The following CSNK2A2IP variants were observed in gnomAD, a reference collection of about 807,000 sequenced individuals.
CSNK2A2IP encodes the protein casein kinase 2 subunit alpha' interacting protein.
chr3:88,350,999 AC>A, the CSNK2A2IP span, among the ~76,000 whole-genome samples: 1 of 152,138 alleles, frequency 6.6e-6, no homozygotes, highest in Non-Finnish European at 1.5e-5. Context: ...GTAATTTGAA[AC>A]TTTTTCCTGC....
At chr3:88,356,326 C>A in the CSNK2A2IP span, among the ~76,000 whole-genome samples, 4 of 151,912 alleles carry the variant, frequency 2.6e-5, no homozygotes, top group African/African-American at 4.8e-5. Flanking sequence ...TTTTAGCTCC[C>A]ACATATGAGT....
At chr3:88,393,003 G>A in the CSNK2A2IP span, among the ~76,000 whole-genome samples, 1 of 152,140 alleles carries the variant, frequency 6.6e-6, no homozygotes, top group African/African-American at 2.4e-5. Context: ...GGGAGGATTG[G>A]CCTTGAAAGG....
At chr3:88,432,499 T>A in the CSNK2A2IP span, among the ~76,000 whole-genome samples, 2 of 151,680 alleles carry the variant, frequency 1.3e-5, no homozygotes, top group African/African-American at 4.8e-5. Flanking sequence ...TAGGTACTCT[T>A]ACTAACACAA....
the CSNK2A2IP span, among the ~76,000 whole-genome samples, chr3:88,427,840 G>A: frequency 3.0e-4 from 46 of 152,302 alleles, no homozygotes; most frequent in Non-Finnish European, 5.6e-4. Context: ...CTCTGCTAAG[G>A]CAGTGCAGAA....
chr3:88,341,291 CATT>C, the CSNK2A2IP span, among the ~76,000 whole-genome samples: 1 of 151,538 alleles, frequency 6.6e-6, no homozygotes, highest in Non-Finnish European at 1.5e-5. Flanking sequence ...TGACATGAAT[CATT>C]ATTATTATAT....
chr3:88,393,573 A>G, the CSNK2A2IP span, among the ~76,000 whole-genome samples: 1 of 152,224 alleles, frequency 6.6e-6, no homozygotes, highest in Non-Finnish European at 1.5e-5. Flanking sequence ...CCATAGATTC[A>G]ACAATATTTT....
the CSNK2A2IP span, among the ~76,000 whole-genome samples, chr3:88,384,010 A>C: frequency 6.6e-6 from 1 of 152,036 alleles, no homozygotes; most frequent in Non-Finnish European, 1.5e-5. Context: ...TTGGTATAGA[A>C]TATAGAATAT....
chr3:88,367,843 A>G, the CSNK2A2IP span, among the ~76,000 whole-genome samples: 1 of 152,110 alleles, frequency 6.6e-6, no homozygotes, highest in Non-Finnish European at 1.5e-5. Context: ...CTTATTAAAA[A>G]TGCAAATCTT....
chr3:88,465,089 C>A, the CSNK2A2IP span: 1 of 289,372 alleles, frequency 3.5e-6, no homozygotes, highest in Non-Finnish European at 6.3e-6. Flanking sequence ...TGTTAACAGG[C>A]ATTATTTACT....
the CSNK2A2IP span, among the ~76,000 whole-genome samples, chr3:88,387,783 C>G: frequency 6.6e-6 from 1 of 152,050 alleles, no homozygotes; most frequent in Admixed American, 6.5e-5. Flanking sequence ...TAGAGTGCAG[C>G]GGCATGATCA....
At chr3:88,341,135 T>G in the CSNK2A2IP span, among the ~76,000 whole-genome samples, 2 of 151,952 alleles carry the variant, frequency 1.3e-5, no homozygotes, top group African/African-American at 4.8e-5. Context: ...ATAATTGAAT[T>G]TATAAGTATT....
At chr3:88,450,573 G>T in the CSNK2A2IP span, among the ~76,000 whole-genome samples, 1 of 152,148 alleles carries the variant, frequency 6.6e-6, no homozygotes, top group Admixed American at 6.6e-5. Flanking sequence ...ATTTCACTCA[G>T]CATAATGTCC....
At chr3:88,460,110 C>A in the CSNK2A2IP span, among the ~76,000 whole-genome samples, 10 of 151,916 alleles carry the variant, frequency 6.6e-5, no homozygotes, top group African/African-American at 2.2e-4. Context: ...TCTGTTTATT[C>A]AAAGTTTGAA....
At chr3:88,343,847 T>A in the CSNK2A2IP span, among the ~76,000 whole-genome samples, 3 of 151,920 alleles carry the variant, frequency 2.0e-5, no homozygotes, top group Non-Finnish European at 2.9e-5. Flanking sequence ...AAAGCTAACT[T>A]GATTATGGTA....
At chr3:88,449,750 A>G in the CSNK2A2IP span, among the ~76,000 whole-genome samples, 1,158 of 103,462 alleles carry the variant, frequency 0.011, 16 homozygotes, top group African/African-American at 0.034. Flanking sequence ...TTCCAAATAT[A>G]CCTTTTTTCT....
chr3:88,441,873 ATT>A, the CSNK2A2IP span, among the ~76,000 whole-genome samples: 1 of 152,090 alleles, frequency 6.6e-6, no homozygotes, highest in South Asian at 2.1e-4. Context: ...CCAGCTAGAG[ATT>A]TTCTTCTTGT....
At chr3:88,381,211 CA>C in the CSNK2A2IP span, among the ~76,000 whole-genome samples, 2 of 152,028 alleles carry the variant, frequency 1.3e-5, no homozygotes, top group African/African-American at 4.8e-5. Context: ...TGTTCCTAGC[CA>C]AAAAATGTGT....
chr3:88,407,292 C>CAAAAAAAAAAAAAAAAAAAAA, the CSNK2A2IP span, among the ~76,000 whole-genome samples: 1 of 102,984 alleles, frequency 9.7e-6, no homozygotes, highest in Non-Finnish European at 1.9e-5. Flanking sequence ...CAGAAAAGTC[C>CAAAAAAAAAAAAAAAAAAAAA]AAAAAAAAAA....
chr3:88,411,355 ATCTATCTATCTATCTATCTATCTG>A, the CSNK2A2IP span, among the ~76,000 whole-genome samples: 1 of 124,332 alleles, frequency 8.0e-6, no homozygotes, highest in African/African-American at 3.3e-5. Flanking sequence ...TCTATCATCT[ATCTATCTATCTATCTATCTATCTG>A]TCTATCTATC....
Sources: gnomAD v4.1 joint callset for allele counts (sites outside exome capture counted in the v4.1 genomes callset) on GRCh38, gnomAD v4.1.1 for gene constraint, MANE v1.5 for transcripts, NCBI Gene and HGNC (gene_info 2026-07-23, HGNC 2026-07-21) for gene names.